The following NRG1 variants were observed in gnomAD, a reference collection of about 807,000 sequenced individuals.
NRG1 encodes pro-neuregulin-1, membrane-bound isoform.
A neutral mutation model predicts 63.8 loss-of-function variants in NRG1; 18 were observed. The ratio of observed to expected loss-of-function variants is 0.28; its 90% CI spans 0.19 to 0.42. The LOEUF (loss-of-function observed/expected upper bound fraction) is 0.42. Ranked by LOEUF, NRG1 falls within the 10% of genes least tolerant of loss-of-function variation. The probability of loss-of-function intolerance (pLI) is 1.00; values close to 1 mark genes in which losing one functional copy is unlikely to be tolerated. For missense variants in NRG1, 762 were observed against 814.7 expected, an observed-to-expected ratio of 0.94 and a Z score of 0.79; for synonymous variants, 302 against 301.3, an observed-to-expected ratio of 1.00 and a Z score of -0.02.
At chr8:32,308,636 C>A (rs1856486921) in intron 1 of NRG1, among the ~76,000 whole-genome samples, 1 of 152,174 alleles carries the variant, frequency 6.6e-6, no homozygotes, top group Non-Finnish European at 1.5e-5. Context: ...CTTTTTAACT[C>A]CACATGTGTG....
chr8:32,634,099 T>TAAAAAAAAAAAAAAAAAAAAAAAA lies in NRG1; in HGVS notation c.502+17233_502+17234insAAAAAAAAAAAAAAAAAAAAAAAA, dbSNP rs57478389. Among the ~76,000 whole-genome samples the TAAAAAAAAAAAAAAAAAAAAAAAA allele has an allele frequency of 7.0e-4, 61 of 86,728 alleles. 10 individuals are homozygous for TAAAAAAAAAAAAAAAAAAAAAAAA. The highest frequency in any genetic ancestry group is 3.8e-3 in the African/African-American group (57 of 15,006). 56.9% of individuals were successfully genotyped at this position (86,728 alleles called of 152,430 possible). Reference sequence around the variant, plus strand: ...TTTGAGGCTGAGCAAGATCTTGTCTTAAAAAAAAAAAAAAAAAAAGGTTGC... The same window carrying TAAAAAAAAAAAAAAAAAAAAAAAA: ...TTTGAGGCTGAGCAAGATCTTGTCTTAAAAAAAAAAAAAAAAAAAAAAAAAAAAAAAAAAAAAAAAAAAGGTTGC... On this transcript the variant is annotated intron_variant, in intron 5 of 11. Coordinates refer to ENST00000356819, the Ensembl canonical transcript of NRG1.
At chr8:32,253,919 A>C (rs1849396911) in intron 1 of NRG1, among the ~76,000 whole-genome samples, 1 of 152,050 alleles carries the variant, frequency 6.6e-6, no homozygotes, top group Admixed American at 6.5e-5. Context: ...TAGTCTTGGG[A>C]GGGTGTATGT....
At chr8:32,229,588 C>T (rs910063315) in intron 1 of NRG1, among the ~76,000 whole-genome samples, 1 of 152,144 alleles carries the variant, frequency 6.6e-6, no homozygotes, top group African/African-American at 2.4e-5. Flanking sequence ...TAAAATCTCT[C>T]TCTTATGACC....
In NRG1 at chr8:31,987,320, A is replaced by ATGTGTGTGTGTGTGTG. The variant is rs545275263; in HGVS notation, c.37+347903_37+347918dup. On this transcript the variant is annotated intron_variant, in intron 1 of 10. Transcript: ENST00000519301. ...TCAAAAAAAAAAAAAAAACATATATATGTGTGTGTGTGTGTGTGTGTGTGT... is the reference window on the plus strand; with the variant it reads ...TCAAAAAAAAAAAAAAAACATATATATGTGTGTGTGTGTGTGTGTGTGTGTGTGTGTGTGTGTGTGT... Among the ~76,000 whole-genome samples the ATGTGTGTGTGTGTGTG allele has an allele frequency of 1.1e-3, 144 of 125,818 alleles. 4 individuals are homozygous for ATGTGTGTGTGTGTGTG. Among genetic ancestry groups the ATGTGTGTGTGTGTGTG allele is most frequent in the African/African-American group, 4.3e-3 (135 of 31,344 alleles). The allele number at this position is 125,818 out of a possible 152,430, so 82.5% of individuals were successfully genotyped here.
Position 31,733,148 on chromosome 8 carries a change from G to GTTTT in NRG1, c.37+93727_37+93730dup, listed in dbSNP as rs10673288. Among the ~76,000 whole-genome samples the GTTTT allele has an allele frequency of 6.3e-3, 908 of 144,044 alleles. 6 individuals carry two copies. Among genetic ancestry groups the GTTTT allele is most frequent in the Middle Eastern group, 0.011 (3 of 280 alleles). 94.5% of individuals were successfully genotyped at this position (144,044 alleles called of 152,430 possible). A position where few individuals can be genotyped will look rare whatever the true frequency, so the allele number is the denominator to read the frequency against. ...GCTGCAAAAGACATGACTTTATTCTGTTTTTTTTTTTTTATGGCTGAATAG... is the reference window on the plus strand; with the variant it reads ...GCTGCAAAAGACATGACTTTATTCTGTTTTTTTTTTTTTTTTTATGGCTGAATAG... On this transcript the variant is annotated intron_variant, in intron 1 of 10. Transcript: ENST00000519301.
intron 11 of NRG1, among the ~76,000 whole-genome samples, chr8:32,762,925 G>A (rs990740827): frequency 6.6e-6 from 1 of 152,092 alleles, no homozygotes; most frequent in Non-Finnish European, 1.5e-5. Context: ...AAGGTAACAG[G>A]GTACAGCCAA....
In NRG1 at chr8:31,877,711, A is replaced by G. The variant is rs375340444; in HGVS notation, c.37+238280A>G. 5.0e-3 allele frequency among the ~76,000 whole-genome samples: 760 copies of G among 152,256 alleles called. 11 individuals carry two copies. The highest frequency in any genetic ancestry group is 0.018 in the African/African-American group (738 of 41,550). ...TCCAATTAGAGCAGTGGTTCTTGACAGCGGCAGTGTTCCATCCTAGGTATT... is the reference window on the plus strand; with the variant it reads ...TCCAATTAGAGCAGTGGTTCTTGACGGCGGCAGTGTTCCATCCTAGGTATT... On this transcript the variant is annotated intron_variant, in intron 1 of 10. Coordinates refer to the NRG1 transcript ENST00000519301.
intron 1 of NRG1, among the ~76,000 whole-genome samples, chr8:31,756,367 G>T (rs1352439086): frequency 6.6e-6 from 1 of 152,092 alleles, no homozygotes; most frequent in Non-Finnish European, 1.5e-5. Flanking sequence ...GGCAAAGGAG[G>T]AAGGGGTACA....
At chr8:32,386,598 C>G (rs775473255) in intron 1 of NRG1, among the ~76,000 whole-genome samples, 4 of 152,170 alleles carry the variant, frequency 2.6e-5, no homozygotes, top group Admixed American at 2.6e-4. Flanking sequence ...ACGGACAAAC[C>G]TATGTCCTCA....
intron 1 of NRG1, among the ~76,000 whole-genome samples, chr8:31,744,150 T>C (rs976275513): frequency 2.0e-5 from 3 of 151,934 alleles, no homozygotes; most frequent in Non-Finnish European, 4.4e-5. Context: ...TGCATGATGG[T>C]ATTCTGAGCC....
intron 5 of NRG1, among the ~76,000 whole-genome samples, chr8:32,677,321 A>T (rs1807391052): frequency 6.6e-6 from 1 of 152,234 alleles, no homozygotes; most frequent in Non-Finnish European, 1.5e-5. Flanking sequence ...TACACTACAG[A>T]TGACTATTAA....
chr8:32,475,576 C>A (rs903060062), intron 1 of NRG1, among the ~76,000 whole-genome samples: 2 of 151,744 alleles, frequency 1.3e-5, no homozygotes. Flanking sequence ...GCTCTGTCAC[C>A]TAGGCTGGAG....
Position 32,021,494 on chromosome 8 carries a change from T to C in NRG1, c.37+382063T>C, listed in dbSNP as rs182260293. ...CAGAAGAACAACACCAAGCCATTCA[T>C]GAAGGATCTGCCCTCATAACCCAAA... On this transcript the variant is annotated intron_variant, in intron 1 of 10. Transcript: ENST00000519301. Among the ~76,000 whole-genome samples, 33 of 152,294 alleles carry C rather than the reference T, an allele frequency of 2.2e-4. No homozygotes were observed. The East Asian group carries it at 5.8e-3, about 27-fold the overall frequency.
intron 1 of NRG1, among the ~76,000 whole-genome samples, chr8:32,313,697 C>T (rs1358706949): frequency 2.0e-5 from 3 of 152,108 alleles, no homozygotes; most frequent in Non-Finnish European, 2.9e-5. Flanking sequence ...TATTTTAACA[C>T]ACATATATAT....
At chr8:32,063,217 G>C (rs1196639206) in intron 1 of NRG1, 1 of 152,018 alleles carries the variant, frequency 6.6e-6, no homozygotes. Context: ...AATTATGTAG[G>C]CTTCACTGAG....
At chr8:32,207,380 T>C (rs567374652) in intron 1 of NRG1, among the ~76,000 whole-genome samples, 6 of 152,328 alleles carry the variant, frequency 3.9e-5, no homozygotes, top group Admixed American at 1.3e-4. Flanking sequence ...ATCAACCTAA[T>C]ACCTCCAGAT....
intron 1 of NRG1, among the ~76,000 whole-genome samples, chr8:31,641,155 A>C (rs547019159): frequency 6.6e-6 from 1 of 152,088 alleles, no homozygotes; most frequent in South Asian, 2.1e-4. Context: ...CAGAGTGTGG[A>C]GATGGTTAGG....
intron 1 of NRG1, among the ~76,000 whole-genome samples, chr8:32,002,177 C>T (rs778623847): frequency 1.3e-5 from 2 of 151,928 alleles, no homozygotes; most frequent in Non-Finnish European, 1.5e-5. Context: ...GCACATGCCA[C>T]CACGCCCAGC....
intron 1 of NRG1, among the ~76,000 whole-genome samples, chr8:31,693,506 AAAAG>A (rs554651572): frequency 2.1e-4 from 32 of 151,750 alleles, no homozygotes; most frequent in African/African-American, 7.3e-4. Flanking sequence ...GTAAAAAAAA[AAAAG>A]AATGCCTAGC....
Sources: allele counts gnomAD v4.1 joint callset (sites outside exome capture counted in the v4.1 genomes callset), GRCh38; gene constraint gnomAD v4.1.1; transcripts MANE v1.5; gene names NCBI Gene and HGNC (gene_info 2026-07-23, HGNC 2026-07-21).